KCNQ3: variants seen among roughly 807,000 people sequenced by gnomAD.
The protein encoded by KCNQ3 is potassium voltage-gated channel subfamily KQT member 3.
In KCNQ3, 30 loss-of-function variants were observed where a neutral mutation model predicts 92.5. The observed-to-expected ratio is 0.32, with a 90% CI of 0.24 to 0.44. The LOEUF (loss-of-function observed/expected upper bound fraction) is 0.44, where lower values mean the gene tolerates loss of function less well. Ranked by LOEUF, KCNQ3 falls within the 20% of genes least tolerant of loss-of-function variation. The pLI is 1.00. For synonymous variants in KCNQ3, 450 were observed against 468.8 expected, an observed-to-expected ratio of 0.96 and a Z score of 0.52; for missense variants, 913 against 1,140.3, an observed-to-expected ratio of 0.80 and a Z score of 2.87.
intron 1 of KCNQ3, among the ~76,000 whole-genome samples, chr8:132,228,209 A>G (rs1814495131): frequency 6.6e-6 from 1 of 152,114 alleles, no homozygotes; most frequent in African/African-American, 2.4e-5. Context: ...ATAAGTCCAT[A>G]TGATTTCTCA....
Position 132,480,117 on chromosome 8 carries a change from C to T in KCNQ3, c.386+30G>A, listed in dbSNP as rs755107971. The stretch of plus-strand genomic sequence containing the variant: ...CCCAAGTCCCCAAGCGCGCCGCCGC[C>T]GAGGGCGCCCCGAGCGGCCGGGTAC... On this transcript the variant is annotated intron_variant, in intron 1 of 14. Coordinates refer to ENST00000388996, the MANE Select transcript of KCNQ3 (RefSeq NM_004519.4). 5.0e-6 allele frequency: 8 copies of T among 1,602,918 alleles called. No homozygotes were observed. The East Asian group carries it at 1.4e-4, about 27-fold the overall frequency.
intron 1 of KCNQ3, among the ~76,000 whole-genome samples, chr8:132,201,657 T>G (rs7005923): frequency 0.28 from 42,377 of 152,124 alleles, 7,136 homozygotes; most frequent in Middle Eastern, 0.4. Flanking sequence ...ATATGCCGCC[T>G]CCTGGACACA....
chr8:132,347,887 G>A (rs1410110395), intron 1 of KCNQ3, among the ~76,000 whole-genome samples: 2 of 148,986 alleles, frequency 1.3e-5, no homozygotes, highest in Non-Finnish European at 3.0e-5. Flanking sequence ...TGAGGCAGGA[G>A]AATGGCGTGA....
intron 6 of KCNQ3, 39 bp downstream of exon 6, chr8:132,174,200 C>A: frequency 7.0e-7 from 1 of 1,420,702 alleles, no homozygotes; most frequent in Non-Finnish European, 9.7e-7. Context: ...AGGGGTCCTG[C>A]ACGTCACATT....
chr8:132,426,511 C>T (rs1821115253), intron 1 of KCNQ3, among the ~76,000 whole-genome samples: 1 of 152,226 alleles, frequency 6.6e-6, no homozygotes, highest in Non-Finnish European at 1.5e-5. Flanking sequence ...CACGCAGTGT[C>T]CTCCCCCTGG....
chr8:132,305,867 G>T (rs550528525), intron 1 of KCNQ3, among the ~76,000 whole-genome samples: 2 of 145,094 alleles, frequency 1.4e-5, no homozygotes, highest in East Asian at 2.1e-4. Flanking sequence ...AGAGTTTTTT[G>T]GGGGGTTTTT....
intron 1 of KCNQ3, among the ~76,000 whole-genome samples, chr8:132,190,970 C>G (rs1367288529): frequency 2.0e-5 from 3 of 152,152 alleles, no homozygotes; most frequent in Admixed American, 6.5e-5. Flanking sequence ...ATAGCTCAAA[C>G]CTGGCACTTA....
intron 1 of KCNQ3, among the ~76,000 whole-genome samples, chr8:132,466,170 C>A (rs781131702): frequency 7.2e-5 from 11 of 151,994 alleles, no homozygotes; most frequent in South Asian, 2.1e-4. Flanking sequence ...TACATATTTA[C>A]AAATACTTTT....
intron 1 of KCNQ3, among the ~76,000 whole-genome samples, chr8:132,403,606 G>A (rs948146762): frequency 1.3e-5 from 2 of 152,168 alleles, no homozygotes; most frequent in African/African-American, 4.8e-5. Context: ...CTGGGAAGAT[G>A]GTGAACTGTG....
chr8:132,453,179 G>A (rs1821860873), intron 1 of KCNQ3, among the ~76,000 whole-genome samples: 1 of 152,158 alleles, frequency 6.6e-6, no homozygotes, highest in South Asian at 2.1e-4. Context: ...GCTGGGGAAT[G>A]GCTGGTCCAC....
rs73358986 is a variant in KCNQ3 at position 132,286,352 on chromosome 8, T to A, written c.387-100171A>T. Among the ~76,000 whole-genome samples, 597 of 152,350 alleles carry A rather than the reference T, an allele frequency of 3.9e-3. 4 individuals carry two copies. Among genetic ancestry groups the A allele is most frequent in the African/African-American group, 0.014 (569 of 41,584 alleles). ...TCCAGTGTGCTCAGGAGGCAACACA[T>A]AGAGTGAAAGATTATTTGAGGCCTT... On this transcript the variant is annotated intron_variant, in intron 1 of 14. Coordinates refer to ENST00000388996, the MANE Select transcript of KCNQ3 (RefSeq NM_004519.4).
intron 1 of KCNQ3, among the ~76,000 whole-genome samples, chr8:132,449,719 C>T (rs1329178269): frequency 6.6e-6 from 1 of 152,092 alleles, no homozygotes; most frequent in Non-Finnish European, 1.5e-5. Flanking sequence ...GAATTAAGTC[C>T]CCAAAGTAAA....
intron 1 of KCNQ3, among the ~76,000 whole-genome samples, chr8:132,323,069 C>T (rs554713058): frequency 2.6e-4 from 40 of 152,246 alleles, no homozygotes; most frequent in African/African-American, 8.7e-4. Flanking sequence ...ATCACGGATC[C>T]GGGAAGCTTC....
intron 1 of KCNQ3, among the ~76,000 whole-genome samples, chr8:132,296,468 C>T (rs1265575736): frequency 2.0e-5 from 3 of 152,010 alleles, no homozygotes; most frequent in Non-Finnish European, 2.9e-5. Flanking sequence ...TATACATGTG[C>T]CATGTTGGTG....
intron 1 of KCNQ3, among the ~76,000 whole-genome samples, chr8:132,196,580 G>A (rs529012977): frequency 6.6e-6 from 1 of 152,338 alleles, no homozygotes; most frequent in African/African-American, 2.4e-5. Context: ...CAAAGGATTG[G>A]CTGAAGAAAC....
chr8:132,333,901 T>C (rs1280847150), intron 1 of KCNQ3, among the ~76,000 whole-genome samples: 1 of 152,050 alleles, frequency 6.6e-6, no homozygotes, highest in Non-Finnish European at 1.5e-5. Context: ...GCCCAGCTAA[T>C]TTCTGTACTT....
At chr8:132,436,040 C>T (rs1821385878) in intron 1 of KCNQ3, among the ~76,000 whole-genome samples, 1 of 152,178 alleles carries the variant, frequency 6.6e-6, no homozygotes, top group Non-Finnish European at 1.5e-5. Flanking sequence ...CATATTTTTC[C>T]ATGAAATTTC....
At chr8:132,327,357 G>A (rs1818090272) in intron 1 of KCNQ3, among the ~76,000 whole-genome samples, 1 of 152,162 alleles carries the variant, frequency 6.6e-6, no homozygotes, top group African/African-American at 2.4e-5. Context: ...GAAGTTAGGT[G>A]CTATCATTAT....
intron 9 of KCNQ3, among the ~76,000 whole-genome samples, chr8:132,151,511 G>A (rs1046041223): frequency 6.6e-6 from 1 of 152,076 alleles, no homozygotes; most frequent in Admixed American, 6.5e-5. Context: ...ATACAAAAGG[G>A]TATTATATGG....
Sources: allele counts gnomAD v4.1 joint callset (sites outside exome capture counted in the v4.1 genomes callset), GRCh38; gene constraint gnomAD v4.1.1; transcripts MANE v1.5; gene names NCBI Gene and HGNC (gene_info 2026-07-23, HGNC 2026-07-21).